The following CTNNA2 variants were observed in gnomAD, a reference collection of about 807,000 sequenced individuals.
The protein encoded by CTNNA2 is catenin alpha 2.
A neutral mutation model predicts 101.0 loss-of-function variants in CTNNA2; 42 were observed. The ratio of observed to expected loss-of-function variants is 0.42; its 90% CI spans 0.32 to 0.54. The LOEUF is 0.54. CTNNA2 is among the 20% of genes least tolerant of loss of function. CTNNA2 has a pLI of 0.14. For missense variants in CTNNA2, 871 were observed against 1,223.1 expected (o/e 0.71, Z 4.29); for synonymous variants, 450 against 456.4 (o/e 0.99, Z 0.18).
chr2:80,058,991 C>T (rs940483150), intron 7 of CTNNA2, among the ~76,000 whole-genome samples: 15 of 152,158 alleles, frequency 9.9e-5, no homozygotes, highest in African/African-American at 3.4e-4. Flanking sequence ...GACATAATAC[C>T]AGTCTTCCTT....
rs200865952 is a variant in CTNNA2 at position 79,320,322 on chromosome 2, G to A, written c.-318+7526G>A. ...AAGAAAATGGCAGTTTCAGAAAGTGGAGGACTTGTGACAGGGGTTCCTGCT... is the reference window on the plus strand; with the variant it reads ...AAGAAAATGGCAGTTTCAGAAAGTGAAGGACTTGTGACAGGGGTTCCTGCT... On this transcript the variant is annotated intron_variant, in intron 3 of 21. Transcript: ENST00000466387. 2.0e-5 allele frequency among the ~76,000 whole-genome samples: 3 copies of A among 148,930 alleles called. No homozygotes were observed. The East Asian group carries it at 5.9e-4, about 29-fold the overall frequency.
chr2:79,707,671 ACT>A (rs1460721148), intron 2 of CTNNA2, among the ~76,000 whole-genome samples: 2 of 152,050 alleles, frequency 1.3e-5, no homozygotes, highest in Non-Finnish European at 2.9e-5. Flanking sequence ...CTCCTTCAGC[ACT>A]CTCGTTAAGA....
chr2:79,695,362 G>T (rs1002393135), intron 2 of CTNNA2, among the ~76,000 whole-genome samples: 1 of 151,952 alleles, frequency 6.6e-6, no homozygotes, highest in African/African-American at 2.4e-5. Flanking sequence ...CAGCCTGCAG[G>T]CTGGCTATCC....
At chr2:80,281,988 T>G (rs1196699437) in intron 7 of CTNNA2, among the ~76,000 whole-genome samples, 1 of 152,108 alleles carries the variant, frequency 6.6e-6, no homozygotes, top group Non-Finnish European at 1.5e-5. Flanking sequence ...AACCTGCATG[T>G]TGATCCGGCA....
At position 79,362,179 on chromosome 2, in the gene CTNNA2, T is replaced by A. The variant is rs1006691828; in HGVS notation, c.-317-11652T>A. Among the ~76,000 whole-genome samples, 3 of 152,236 alleles carry A rather than the reference T, an allele frequency of 2.0e-5. No homozygotes were observed. In the East Asian group the frequency reaches 5.8e-4, roughly 29 times the overall value. On this transcript the variant is annotated intron_variant, in intron 3 of 21. Coordinates refer to the CTNNA2 transcript ENST00000466387. ...CAACCAGGAACAGCACTGTCTTTTTTAATAGAACCCATGGTCTTGCCCTAG... is the reference window on the plus strand; with the variant it reads ...CAACCAGGAACAGCACTGTCTTTTTAAATAGAACCCATGGTCTTGCCCTAG...
intron 11 of CTNNA2, among the ~76,000 whole-genome samples, chr2:80,553,223 C>CA (rs143384465): frequency 0.14 from 16,549 of 114,230 alleles, 1,331 homozygotes; most frequent in Middle Eastern, 0.3. Flanking sequence ...GACTCCGTCT[C>CA]AAAAAAAAAA....
chr2:79,488,735 G>A (rs1342603073), intron 4 of CTNNA2, among the ~76,000 whole-genome samples: 1 of 152,048 alleles, frequency 6.6e-6, no homozygotes. Context: ...TTTTAATCCT[G>A]CACAAATTCT....
intron 7 of CTNNA2, among the ~76,000 whole-genome samples, chr2:80,077,721 T>C (rs1184592855): frequency 6.6e-6 from 1 of 152,232 alleles, no homozygotes; most frequent in African/African-American, 2.4e-5. Context: ...TTATTTTACT[T>C]ATATAATTTT....
chr2:80,366,227 G>A (rs1214115177), intron 7 of CTNNA2, among the ~76,000 whole-genome samples: 4 of 152,098 alleles, frequency 2.6e-5, no homozygotes, highest in Non-Finnish European at 4.4e-5. Context: ...CTTCATGGGC[G>A]TGCTCCTCTG....
At chr2:79,236,263 C>T (rs965970163) in intron 2 of CTNNA2, among the ~76,000 whole-genome samples, 38 of 152,262 alleles carry the variant, frequency 2.5e-4, no homozygotes, top group African/African-American at 9.1e-4. Context: ...CTCCTGTGTA[C>T]CTAAGGACTA....
chr2:80,269,360 C>T (rs370896106), intron 7 of CTNNA2, among the ~76,000 whole-genome samples: 14 of 152,154 alleles, frequency 9.2e-5, no homozygotes, highest in Admixed American at 2.6e-4. Flanking sequence ...TGAAGAAGGA[C>T]GTGTTTGCTT....
chr2:80,198,703 A>G (rs1707002556), intron 7 of CTNNA2, among the ~76,000 whole-genome samples: 1 of 152,128 alleles, frequency 6.6e-6, no homozygotes, highest in African/African-American at 2.4e-5. Flanking sequence ...TTCATTGCCG[A>G]ATTTACTAAT....
intron 1 of CTNNA2, among the ~76,000 whole-genome samples, chr2:79,605,948 A>C (rs1052712502): frequency 3.9e-5 from 6 of 152,140 alleles, no homozygotes; most frequent in African/African-American, 9.7e-5. Context: ...ATAAAAATAA[A>C]ATAATACAAG....
At chr2:80,215,523 T>G (rs1246238047) in intron 7 of CTNNA2, among the ~76,000 whole-genome samples, 1 of 152,158 alleles carries the variant, frequency 6.6e-6, no homozygotes, top group Non-Finnish European at 1.5e-5. Flanking sequence ...TTGCTGGAGG[T>G]CGACTCCAGA....
intron 7 of CTNNA2, among the ~76,000 whole-genome samples, chr2:80,373,687 G>T (rs1675659738): frequency 6.6e-6 from 1 of 152,074 alleles, no homozygotes; most frequent in Non-Finnish European, 1.5e-5. Context: ...TCTAATAAGA[G>T]ATGTAAGACT....
intron 7 of CTNNA2, among the ~76,000 whole-genome samples, chr2:80,136,936 G>T (rs996297411): frequency 6.6e-6 from 1 of 152,100 alleles, no homozygotes; most frequent in Non-Finnish European, 1.5e-5. Flanking sequence ...CTGCATGAAG[G>T]TGGCCTCTTC....
intron 3 of CTNNA2, among the ~76,000 whole-genome samples, chr2:79,760,932 A>G (rs955828808): frequency 7.9e-6 from 1 of 126,568 alleles, no homozygotes; most frequent in Non-Finnish European, 1.6e-5. Context: ...TACAATGGAG[A>G]CTCAGGTTTG....
intron 4 of CTNNA2, among the ~76,000 whole-genome samples, chr2:79,504,264 G>T (rs914228572): frequency 6.6e-6 from 1 of 151,850 alleles, no homozygotes; most frequent in African/African-American, 2.4e-5. Context: ...TAAAGATAGT[G>T]GTTAAATTTA....
chr2:79,288,424 A>G (rs1675686798), intron 2 of CTNNA2, among the ~76,000 whole-genome samples: 1 of 152,260 alleles, frequency 6.6e-6, no homozygotes, highest in Admixed American at 6.5e-5. Context: ...TCAGCTTGGT[A>G]ATCTTCGCTT....
Sources: gnomAD v4.1 joint callset for allele counts (sites outside exome capture counted in the v4.1 genomes callset) on GRCh38, gnomAD v4.1.1 for gene constraint, MANE v1.5 for transcripts, NCBI Gene and HGNC (gene_info 2026-07-23, HGNC 2026-07-21) for gene names.